RGS7: variants seen among roughly 807,000 people sequenced by gnomAD.
RGS7 encodes the protein regulator of G protein signaling 7.
Under a neutral mutation model 81.1 loss-of-function variants are expected in RGS7, and 27 were observed. The ratio of observed to expected loss-of-function variants is 0.33; its 90% CI spans 0.25 to 0.46. The LOEUF is 0.46. Ranked by LOEUF, RGS7 falls within the 20% of genes least tolerant of loss-of-function variation. The pLI, the probability that RGS7 is intolerant of heterozygous loss-of-function variation, is 1.00. For missense variants in RGS7, 396 were observed against 607.4 expected (o/e 0.65, Z 3.66); for synonymous variants, 208 against 207.7 (o/e 1.00, Z -0.01).
intron 10 of RGS7, among the ~76,000 whole-genome samples, chr1:240,818,037 G>A (rs1691134507): frequency 6.6e-6 from 1 of 152,024 alleles, no homozygotes; most frequent in African/African-American, 2.4e-5. Flanking sequence ...CAGAACCTTG[G>A]AACCCAATTC....
In RGS7 at chr1:241,115,902, A is replaced by G. The variant is rs548491830; in HGVS notation, c.79-17140T>C. ...GGGCCTGGTGGGAGGTGATTGGATC[A>G]TGGGAAGGGATTTCCCCCTTGCTGT... On this transcript the variant is annotated intron_variant, in intron 2 of 18. Transcript: ENST00000440928. Among the ~76,000 whole-genome samples, 4 of 152,298 alleles carry G rather than the reference A, an allele frequency of 2.6e-5. No individual in the cohort carries two copies. In the South Asian group the frequency reaches 8.3e-4, roughly 32 times the overall value.
chr1:241,355,327 A>G (rs919193335), intron 2 of RGS7, among the ~76,000 whole-genome samples: 6 of 152,256 alleles, frequency 3.9e-5, no homozygotes, highest in Non-Finnish European at 8.8e-5. Flanking sequence ...ATATGCTTAT[A>G]TCATTATTAT....
chr1:240,883,983 G>C (rs1403136638), intron 6 of RGS7, among the ~76,000 whole-genome samples: 1 of 150,076 alleles, frequency 6.7e-6, no homozygotes, highest in Non-Finnish European at 1.5e-5. Flanking sequence ...GGCTGAGGCA[G>C]GAGAATCGCT....
At chr1:240,929,337 T>C (rs867029253) in intron 6 of RGS7, among the ~76,000 whole-genome samples, 1 of 152,176 alleles carries the variant, frequency 6.6e-6, no homozygotes, top group African/African-American at 2.4e-5. Flanking sequence ...TACAAATCAG[T>C]AGTCGTTTTG....
intron 18 of RGS7, among the ~76,000 whole-genome samples, chr1:240,778,673 C>T (rs1683402811): frequency 6.6e-6 from 1 of 152,166 alleles, no homozygotes; most frequent in African/African-American, 2.4e-5. Flanking sequence ...GCTGTAACTA[C>T]AGGCACCTGC....
chr1:241,127,733 A>C (rs2066771676), intron 2 of RGS7, among the ~76,000 whole-genome samples: 1 of 152,248 alleles, frequency 6.6e-6, no homozygotes, highest in South Asian at 2.1e-4. Flanking sequence ...CCATTTTATC[A>C]ATTGAAATTA....
intron 9 of RGS7, among the ~76,000 whole-genome samples, chr1:240,839,993 C>T (rs1344349142): frequency 1.3e-5 from 2 of 152,112 alleles, no homozygotes; most frequent in African/African-American, 4.8e-5. Flanking sequence ...TCCAAATACA[C>T]CCCGAACCTA....
intron 3 of RGS7, among the ~76,000 whole-genome samples, chr1:241,068,327 T>C (rs1417988635): frequency 6.7e-6 from 1 of 149,616 alleles, no homozygotes; most frequent in African/African-American, 2.5e-5. Flanking sequence ...TTGCACTAAA[T>C]AATCAAAGCT....
At chr1:241,159,030 G>A (rs142548246) in intron 2 of RGS7, among the ~76,000 whole-genome samples, 1 of 152,228 alleles carries the variant, frequency 6.6e-6, no homozygotes, top group African/African-American at 2.4e-5. Context: ...TATTTTTCAA[G>A]ATATATGAGC....
rs553671798 is a variant in RGS7, at chr1:241,096,976, T to C, written c.175+1690A>G. Among the ~76,000 whole-genome samples the C allele has an allele frequency of 1.1e-4, 17 of 152,206 alleles. 1 individual carries two copies. In the South Asian group the frequency reaches 2.9e-3, roughly 26 times the overall value. On this transcript the variant is annotated intron_variant, in intron 3 of 18. Coordinates refer to ENST00000440928, the MANE Select transcript of RGS7 (RefSeq NM_001364886.1). Reference sequence around the variant, plus strand: ...CCTTTCATTAGCTCATCAATATATATATGAGTAACATTTTTATATGCGTGT... The same window carrying C: ...CCTTTCATTAGCTCATCAATATATACATGAGTAACATTTTTATATGCGTGT...
In RGS7 at chr1:241,188,306, C is replaced by CAG. The variant is rs1290751786; in HGVS notation, c.79-89545_79-89544insCT. Among the ~76,000 whole-genome samples the CAG allele has an allele frequency of 4.9e-5, 5 of 101,156 alleles. No individual in the cohort carries two copies. The East Asian group carries it at 1.4e-3, about 28-fold the overall frequency. The allele number at this position is 101,156 out of a possible 152,430, so 66.4% of individuals were successfully genotyped here. On this transcript the variant is annotated intron_variant, in intron 2 of 18. Coordinates refer to ENST00000440928, the MANE Select transcript of RGS7 (RefSeq NM_001364886.1). The stretch of plus-strand genomic sequence containing the variant: ...ATCCTCACACACACACACACACACA[C>CAG]ACACACAAAAAGAGACAGACCTTAA...
chr1:240,827,700 T>C (rs1302822505), intron 9 of RGS7, among the ~76,000 whole-genome samples: 1 of 151,700 alleles, frequency 6.6e-6, no homozygotes, highest in Non-Finnish European at 1.5e-5. Context: ...CTGTCTCTAC[T>C]AAAAATACAA....
chr1:241,042,634 A>G (rs973233354), intron 3 of RGS7, among the ~76,000 whole-genome samples: 2 of 149,904 alleles, frequency 1.3e-5, no homozygotes, highest in African/African-American at 5.0e-5. Flanking sequence ...CTTCAAGATT[A>G]TGTCCCTTGG....
At chr1:240,919,713 T>C in intron 6 of RGS7, 1 of 611,058 alleles carries the variant, frequency 1.6e-6, no homozygotes, top group Non-Finnish European at 3.0e-6. Context: ...ATTGGAGGGC[T>C]GAGCTTTGAA....
intron 14 of RGS7, among the ~76,000 whole-genome samples, chr1:240,809,794 C>T (rs1419640139): frequency 6.6e-6 from 1 of 152,062 alleles, no homozygotes; most frequent in Non-Finnish European, 1.5e-5. Context: ...CATTTATCTA[C>T]TGATCTATAC....
At chr1:241,007,521 G>A (rs1267004592) in intron 3 of RGS7, among the ~76,000 whole-genome samples, 2 of 152,094 alleles carry the variant, frequency 1.3e-5, no homozygotes, top group Non-Finnish European at 2.9e-5. Flanking sequence ...TAAACTCTAC[G>A]TTGCTCAAGA....
At chr1:241,282,382 G>T (rs535009863) in intron 2 of RGS7, among the ~76,000 whole-genome samples, 2 of 152,246 alleles carry the variant, frequency 1.3e-5, no homozygotes, top group East Asian at 3.9e-4. Context: ...CTATAATATA[G>T]AAATAAAATT....
At chr1:240,930,644 C>G (rs1291854506) in intron 6 of RGS7, 73 bp downstream of exon 6, 1 of 1,364,658 alleles carries the variant, frequency 7.3e-7, no homozygotes, top group Non-Finnish European at 1.0e-6. Flanking sequence ...ATGAAAAAAG[C>G]AATAAAACGC....
intron 3 of RGS7, among the ~76,000 whole-genome samples, chr1:241,089,057 C>CTA (rs1420221451): frequency 3.5e-4 from 17 of 48,582 alleles, no homozygotes; most frequent in South Asian, 6.6e-4. Context: ...CTCTCTCTCT[C>CTA]TCTCTCTATA....
Sources: allele counts gnomAD v4.1 joint callset (sites outside exome capture counted in the v4.1 genomes callset), GRCh38; gene constraint gnomAD v4.1.1; transcripts MANE v1.5; gene names NCBI Gene and HGNC (gene_info 2026-07-23, HGNC 2026-07-21).